The following VAV3 variants were observed in gnomAD, a reference collection of about 807,000 sequenced individuals.
VAV3 encodes the protein vav guanine nucleotide exchange factor 3, also known as guanine nucleotide exchange factor VAV3.
In VAV3, 94 loss-of-function variants were observed where a neutral mutation model predicts 131.2. The observed-to-expected ratio is 0.72, with a 90% CI of 0.61 to 0.85. VAV3 has a LOEUF of 0.85. Among genes scored for constraint, VAV3 ranks in the 40% least tolerant of loss-of-function variants. VAV3 has a pLI of 0.00. For missense variants in VAV3, 939 were observed against 1,002.7 expected (o/e 0.94, Z 0.86); for synonymous variants, 349 against 342.0 (o/e 1.02, Z -0.22).
chr1:107,954,778 AT>A (rs1358287747), intron 1 of VAV3, among the ~76,000 whole-genome samples: 1 of 141,728 alleles, frequency 7.1e-6, no homozygotes, highest in East Asian at 2.1e-4. Context: ...AGGGGGGGAA[AT>A]TCATTGCAGT....
At chr1:107,958,601 G>T (rs1488489065) in intron 1 of VAV3, among the ~76,000 whole-genome samples, 2 of 150,510 alleles carry the variant, frequency 1.3e-5, no homozygotes, top group Admixed American at 1.3e-4. Context: ...ACAAAAAGAA[G>T]ATTTTAAAAC....
In VAV3 at chr1:107,955,720, T is replaced by C. The variant is rs754964820; in HGVS notation, c.204+8946A>G. Among the ~76,000 whole-genome samples, 6 of 147,300 alleles carry C rather than the reference T, an allele frequency of 4.1e-5. No individual in the cohort carries two copies. In the South Asian group the frequency reaches 8.4e-4, roughly 21 times the overall value. ...AACAGCACAGAGACATTTAACAGCA[T>C]AGTCTTCAAGAAACTGCAAGAAGGT... On this transcript the variant is annotated intron_variant, in intron 1 of 26. Transcript: ENST00000370056.
chr1:107,666,071 T>C (rs1417945999), intron 19 of VAV3, among the ~76,000 whole-genome samples: 1 of 152,096 alleles, frequency 6.6e-6, no homozygotes, highest in Non-Finnish European at 1.5e-5. Context: ...GAATAGAGGT[T>C]TTTATGCCAG....
chr1:107,962,810 AG>A (rs1476855295), intron 1 of VAV3, among the ~76,000 whole-genome samples: 4 of 152,272 alleles, frequency 2.6e-5, no homozygotes, highest in Non-Finnish European at 4.4e-5. Context: ...AACGGCACAA[AG>A]AAGGTCATTA....
At chr1:107,919,560 C>G (rs1672788451) in intron 1 of VAV3, among the ~76,000 whole-genome samples, 1 of 152,154 alleles carries the variant, frequency 6.6e-6, no homozygotes, top group Admixed American at 6.5e-5. Flanking sequence ...ATGGCTTGCC[C>G]AAGCTGACAC....
chr1:107,730,403 C>T (rs761011470), intron 15 of VAV3, among the ~76,000 whole-genome samples: 7 of 152,166 alleles, frequency 4.6e-5, no homozygotes, highest in Non-Finnish European at 7.4e-5. Context: ...TCCTTTACTT[C>T]TAAAAGCAGA....
At chr1:107,692,113 G>A (rs1659466190) in intron 17 of VAV3, among the ~76,000 whole-genome samples, 1 of 152,038 alleles carries the variant, frequency 6.6e-6, no homozygotes, top group African/African-American at 2.4e-5. Flanking sequence ...TACAGTTTTT[G>A]AAGGTACCCT....
At chr1:107,639,177 A>G (rs1380001759) in intron 20 of VAV3, among the ~76,000 whole-genome samples, 3 of 152,112 alleles carry the variant, frequency 2.0e-5, no homozygotes, top group Non-Finnish European at 4.4e-5. Context: ...AAAAACCTCA[A>G]AATGAATCAT....
At chr1:107,737,043 T>C (rs1299149256) in intron 15 of VAV3, among the ~76,000 whole-genome samples, 1 of 151,982 alleles carries the variant, frequency 6.6e-6, no homozygotes, top group Non-Finnish European at 1.5e-5. Flanking sequence ...GCCTCAGAAA[T>C]AACACCACAC....
chr1:107,633,727 T>C (rs1416105175), intron 20 of VAV3, among the ~76,000 whole-genome samples: 3 of 152,092 alleles, frequency 2.0e-5, no homozygotes, highest in Non-Finnish European at 1.5e-5. Flanking sequence ...CAGTTTCCAC[T>C]TTTACACTCT....
intron 1 of VAV3, among the ~76,000 whole-genome samples, chr1:107,941,523 G>A (rs1673996278): frequency 6.6e-6 from 1 of 152,134 alleles, no homozygotes; most frequent in South Asian, 2.1e-4. Context: ...TTCGGGGCCT[G>A]TGACGAGCTA....
Position 107,735,296 on chromosome 1 carries a change from A to G in VAV3, c.1502+13672T>C, listed in dbSNP as rs1333238048. On this transcript the variant is annotated intron_variant, in intron 15 of 26. Coordinates refer to ENST00000370056, the MANE Select transcript of VAV3 (RefSeq NM_006113.5). ...GACACCCTAACATCACAATTAAAAG[A>G]ACTAGAGAAGCAAGAGCAAACACAT... Among the ~76,000 whole-genome samples, 5 of 152,228 alleles carry G rather than the reference A, an allele frequency of 3.3e-5. No individual in the cohort carries two copies. In the East Asian group the frequency reaches 9.6e-4, roughly 29 times the overall value.
intron 2 of VAV3, among the ~76,000 whole-genome samples, chr1:107,835,480 T>C (rs1420398160): frequency 2.0e-5 from 3 of 152,130 alleles, no homozygotes; most frequent in Non-Finnish European, 4.4e-5. Context: ...TGTGGGCCAG[T>C]GTGAGAGCTG....
intron 2 of VAV3, among the ~76,000 whole-genome samples, chr1:107,801,304 G>A (rs1304602611): frequency 1.3e-5 from 2 of 151,944 alleles, no homozygotes; most frequent in Non-Finnish European, 2.9e-5. Context: ...GGTCATTTGG[G>A]GTTCCAGATA....
intron 1 of VAV3, among the ~76,000 whole-genome samples, chr1:107,919,921 G>C (rs1187880911): frequency 1.3e-5 from 2 of 151,894 alleles, no homozygotes; most frequent in Non-Finnish European, 2.9e-5. Flanking sequence ...AAAAATGAAA[G>C]AGAAAATTAA....
chr1:107,782,192 T>C (rs2102236459), intron 2 of VAV3, among the ~76,000 whole-genome samples: 1 of 152,348 alleles, frequency 6.6e-6, no homozygotes, highest in Non-Finnish European at 1.5e-5. Flanking sequence ...TCTTTTATTA[T>C]TGCTATTCTA....
chr1:107,735,750 G>A (rs186243210), intron 15 of VAV3, among the ~76,000 whole-genome samples: 46 of 152,146 alleles, frequency 3.0e-4, no homozygotes, highest in African/African-American at 1.0e-3. Flanking sequence ...AAGACCAGAC[G>A]GATTCACAAC....
At chr1:107,727,005 G>T (rs1283865998) in intron 15 of VAV3, among the ~76,000 whole-genome samples, 1 of 152,110 alleles carries the variant, frequency 6.6e-6, no homozygotes, top group African/African-American at 2.4e-5. Flanking sequence ...AAAAGAATAA[G>T]CCCAAGAGAA....
chr1:107,741,726 GC>G (rs1407872260), intron 15 of VAV3, among the ~76,000 whole-genome samples: 3 of 152,168 alleles, frequency 2.0e-5, no homozygotes, highest in African/African-American at 7.2e-5. Flanking sequence ...ATGTAGGTGG[GC>G]CTTGAGCACC....
Sources: allele counts gnomAD v4.1 joint callset (sites outside exome capture counted in the v4.1 genomes callset), GRCh38; gene constraint gnomAD v4.1.1; transcripts MANE v1.5; gene names NCBI Gene and HGNC (gene_info 2026-07-23, HGNC 2026-07-21).